TLK2: variants seen among roughly 807,000 people sequenced by gnomAD.
The protein encoded by TLK2 is serine/threonine-protein kinase tousled-like 2.
A neutral mutation model predicts 117.3 loss-of-function variants in TLK2; 6 were observed. The observed-to-expected ratio is 0.05, with a 90% confidence interval of 0.03 to 0.10. The LOEUF is 0.10. Ranked by LOEUF, TLK2 falls within the 10% of genes least tolerant of loss-of-function variation. TLK2 has a pLI of 1.00. For synonymous variants in TLK2, 257 were observed against 316.7 expected, an observed-to-expected ratio of 0.81 and a Z score of 2.00; for missense variants, 299 against 901.2, an observed-to-expected ratio of 0.33 and a Z score of 8.56.
intron 10 of TLK2, among the ~76,000 whole-genome samples, chr17:62,563,474 A>G (rs2079465270): frequency 6.6e-6 from 1 of 152,138 alleles, no homozygotes; most frequent in Non-Finnish European, 1.5e-5. Flanking sequence ...TAAATTCACT[A>G]AAATAAATCA....
chr17:62,613,174 G>C lies in TLK2; in HGVS notation c.*609G>C, dbSNP rs1477864829. The C allele has an allele frequency of 6.6e-6, 1 of 152,362 alleles. No homozygotes were observed. Among genetic ancestry groups the C allele is most frequent in the African/African-American group, 2.4e-5 (1 of 41,372 alleles). The allele number at this position is 152,362 out of a possible 1,614,324, so 9.4% of individuals were successfully genotyped here. A position where few individuals can be genotyped will look rare whatever the true frequency, so the allele number is the denominator to read the frequency against. On this transcript the variant is annotated 3_prime_UTR_variant, in exon 22 of 22. Coordinates refer to ENST00000346027, the MANE Select transcript of TLK2 (RefSeq NM_006852.6). The stretch of plus-strand genomic sequence containing the variant: ...CTTCCCTCTCCCCTTTTTTATTTTT[G>C]AAAGAATACATTTGGTCATAAAGTG...
intron 2 of TLK2, among the ~76,000 whole-genome samples, chr17:62,494,404 G>A (rs1368204858): frequency 6.6e-6 from 1 of 152,006 alleles, no homozygotes; most frequent in Non-Finnish European, 1.5e-5. Context: ...TTAAAATTGA[G>A]TACATCAGTA....
chr17:62,563,896 G>A (rs750358538), intron 10 of TLK2, among the ~76,000 whole-genome samples: 2 of 152,114 alleles, frequency 1.3e-5, no homozygotes, highest in Non-Finnish European at 2.9e-5. Flanking sequence ...GCATTGAGGG[G>A]TTTTTCTTGT....
intron 6 of TLK2, among the ~76,000 whole-genome samples, chr17:62,532,646 A>G (rs1457186282): frequency 6.6e-6 from 1 of 152,340 alleles, no homozygotes; most frequent in East Asian, 1.9e-4. Flanking sequence ...AAGAACTGTT[A>G]TTAGAGAGTA....
rs1191477215 is a variant in TLK2, at chr17:62,565,135, C to T, written c.966C>T (p.Ile322=). 2.5e-6 allele frequency: 4 copies of T among 1,601,016 alleles called. No individual in the cohort carries two copies. In the South Asian group the frequency reaches 3.4e-5, roughly 14 times the overall value. Residue 322 remains isoleucine, a splice_region_variant and synonymous_variant, in exon 11 of 22, where the codon ATC becomes ATT. Coordinates refer to ENST00000346027, the MANE Select transcript of TLK2 (RefSeq NM_006852.6). ...WTDGYAFQNL[I]KQQERINSQR... ...ATGGTTATGCTTTTCAGAATCTTAT[C>T]AAGTAAGTGAATTGTTATGATTAAA...
At chr17:62,478,761 C>CCCT (rs202074617), upstream of TLK2, among the ~76,000 whole-genome samples, 3 of 133,180 alleles carry the variant, frequency 2.3e-5, no homozygotes. Flanking sequence ...GGACCCCCCC[C>CCCT]GCCTCCCAGC....
intron 11 of TLK2, among the ~76,000 whole-genome samples, chr17:62,568,044 C>T (rs976595657): frequency 2.6e-5 from 4 of 152,096 alleles, no homozygotes; most frequent in Non-Finnish European, 5.9e-5. Flanking sequence ...TTCAGTATAT[C>T]ACTTTTTGTT....
chr17:62,589,198 T>C (rs1051776067), intron 16 of TLK2, among the ~76,000 whole-genome samples: 2 of 152,160 alleles, frequency 1.3e-5, no homozygotes, highest in African/African-American at 4.8e-5. Flanking sequence ...AATTTTTATT[T>C]TAAAAATTTA....
intron 7 of TLK2, among the ~76,000 whole-genome samples, chr17:62,548,238 ATATGTGTG>A (rs1272222293): frequency 3.4e-4 from 38 of 111,906 alleles, no homozygotes; most frequent in South Asian, 1.3e-3. Flanking sequence ...ATATATATAT[ATATGTGTG>A]TGTGTGTGTG....
intron 21 of TLK2, 146 bp from the exon 22 acceptor site, chr17:62,612,246 G>A: frequency 1.3e-6 from 1 of 753,454 alleles, no homozygotes; most frequent in East Asian, 2.8e-5. Flanking sequence ...CTTTGGGTCT[G>A]CCTGGTGATT....
At chr17:62,485,124 A>G (rs576861638) in intron 2 of TLK2, among the ~76,000 whole-genome samples, 1 of 152,248 alleles carries the variant, frequency 6.6e-6, no homozygotes, top group Non-Finnish European at 1.5e-5. Context: ...TGCAGCTCCA[A>G]ATAAGAGAGC....
At position 62,614,499 on chromosome 17, in the gene TLK2, G is replaced by T. The variant is rs763741440; in HGVS notation, c.*1934G>T. 6.6e-6 allele frequency: 1 copy of T among 152,246 alleles called. No homozygotes were observed. The highest frequency in any genetic ancestry group is 1.5e-5 in the Non-Finnish European group (1 of 68,058). 9.4% of individuals were successfully genotyped at this position (152,246 alleles called of 1,614,324 possible). A position where few individuals can be genotyped will look rare whatever the true frequency, so the allele number is the denominator to read the frequency against. On this transcript the variant is annotated 3_prime_UTR_variant, in exon 22 of 22. Coordinates refer to ENST00000346027, the MANE Select transcript of TLK2 (RefSeq NM_006852.6). ...CTAGTGTTCCTTTCACATGTGAACA[G>T]TGTCACTGATGACACATTTTCTAGG...
intron 11 of TLK2, 57 bp downstream of exon 11, chr17:62,565,194 G>GT: frequency 6.4e-7 from 1 of 1,556,800 alleles, no homozygotes; most frequent in Non-Finnish European, 8.7e-7. Context: ...CATTTTTTAG[G>GT]TTTTCTGTAA....
chr17:62,514,505 A>G (rs1440893594), intron 2 of TLK2, among the ~76,000 whole-genome samples: 2 of 151,954 alleles, frequency 1.3e-5, no homozygotes, highest in African/African-American at 4.8e-5. Context: ...TTGTAATTTT[A>G]AAAACAATAC....
At chr17:62,481,434 T>C (rs768177936) in intron 2 of TLK2, among the ~76,000 whole-genome samples, 33 of 152,206 alleles carry the variant, frequency 2.2e-4, no homozygotes, top group Non-Finnish European at 4.1e-4. Flanking sequence ...CTTTCTGGTA[T>C]AGGAGAGGTT....
chr17:62,610,633 G>C (rs79256315), intron 21 of TLK2, among the ~76,000 whole-genome samples: 1 of 152,126 alleles, frequency 6.6e-6, no homozygotes, highest in Non-Finnish European at 1.5e-5. Context: ...TGCAGGAGCC[G>C]TTAGATCTGC....
intron 7 of TLK2, among the ~76,000 whole-genome samples, chr17:62,549,414 A>G (rs1431978563): frequency 3.5e-5 from 1 of 28,556 alleles, no homozygotes; most frequent in Non-Finnish European, 8.9e-5. Flanking sequence ...AAAAAAAAAA[A>G]AAAAAAAAAA....
rs185157903 is a variant in TLK2 at position 62,526,725 on chromosome 17, A to G, written c.363+2394A>G. 2.1e-3 allele frequency among the ~76,000 whole-genome samples: 325 copies of G among 152,306 alleles called. 1 individual carries two copies. Among genetic ancestry groups the G allele is most frequent in the Non-Finnish European group, 3.9e-3 (268 of 68,026 alleles). ...GACAGGTTACACCATCTGGTTTTTCAGGTCACAGCCTCATGCCCCAAATGT... is the reference window on the plus strand; with the variant it reads ...GACAGGTTACACCATCTGGTTTTTCGGGTCACAGCCTCATGCCCCAAATGT... On this transcript the variant is annotated intron_variant, in intron 6 of 21. Transcript: ENST00000346027.
At chr17:62,522,436 G>A (rs2111809) in intron 4 of TLK2, among the ~76,000 whole-genome samples, 163 bp downstream of exon 4, 146,540 of 152,308 alleles carry the variant, frequency 0.96, 70,751 homozygotes, top group East Asian at 1. Context: ...TTGCCATTTG[G>A]TATACACCTG....
Sources: gnomAD v4.1 joint callset for allele counts (sites outside exome capture counted in the v4.1 genomes callset) on GRCh38, gnomAD v4.1.1 for gene constraint, MANE v1.5 for transcripts, NCBI Gene and HGNC (gene_info 2026-07-23, HGNC 2026-07-21) for gene names.